Variants in TTC7B observed in about 807,000 individuals in gnomAD.
TTC7B encodes the protein tetratricopeptide repeat protein 7B.
In TTC7B, 28 loss-of-function variants were observed where a neutral mutation model predicts 106.8. That is an observed-to-expected ratio of 0.26 (90% CI 0.19 to 0.36). TTC7B has a LOEUF of 0.36. Ranked by LOEUF, TTC7B falls within the 10% of genes least tolerant of loss-of-function variation. TTC7B has a pLI of 1.00. For missense variants in TTC7B, 862 were observed against 1,076.4 expected, an observed-to-expected ratio of 0.80 and a Z score of 2.79; for synonymous variants, 405 against 430.6, an observed-to-expected ratio of 0.94 and a Z score of 0.74.
rs951518308 is a variant in TTC7B at position 90,575,669 on chromosome 14, C to A, written c.2310+2437G>T. Among the ~76,000 whole-genome samples, 1 of 152,202 alleles carries A rather than the reference C, an allele frequency of 6.6e-6. No individual in the cohort carries two copies. Among genetic ancestry groups the A allele is most frequent in the Non-Finnish European group, 1.5e-5 (1 of 68,026 alleles). ...GGGGACAGGCTGGGGAGAACACAGG[C>A]CAGGTGCATCATTTAGAAAATCACC... is the stretch of plus-strand genomic sequence containing the variant. On this transcript the variant is annotated intron_variant, in intron 19 of 19. Transcript: ENST00000328459. The surrounding 1 kb of genome is among the most constrained non-coding windows in gnomAD (Gnocchi z 5.2).
intron 18 of TTC7B, among the ~76,000 whole-genome samples, chr14:90,580,133 C>T (rs952651845): frequency 3.9e-5 from 6 of 152,230 alleles, no homozygotes; most frequent in Admixed American, 6.5e-5. Flanking sequence ...GGGCTGTAAG[C>T]GACATGAGGG....
At chr14:90,710,943 C>G (rs911587324) in intron 5 of TTC7B, among the ~76,000 whole-genome samples, 1 of 151,562 alleles carries the variant, frequency 6.6e-6, no homozygotes, top group East Asian at 1.9e-4. Context: ...ATTCAAACTT[C>G]TGAAGAAAAA....
rs902608541 is a variant in TTC7B, at chr14:90,529,362, C to A, written c.*12006G>T. On this transcript the variant is annotated 3_prime_UTR_variant, in exon 20 of 20. Coordinates refer to ENST00000328459, the MANE Select transcript of TTC7B (RefSeq NM_001010854.2). ...TAGCTACTGGAGCCAACCAGCGTGG[C>A]TTCGGCCAGTTAACAGACCACTTCT... 2.6e-5 allele frequency: 4 copies of A among 152,324 alleles called. No homozygotes were observed. The highest frequency in any genetic ancestry group is 5.9e-5 in the Non-Finnish European group (4 of 68,134). The allele number at this position is 152,324 out of a possible 1,614,324, so 9.4% of individuals were successfully genotyped here. A position where few individuals can be genotyped will look rare whatever the true frequency, so the allele number is the denominator to read the frequency against.
chr14:90,735,278 G>C (rs1465696193), intron 4 of TTC7B, among the ~76,000 whole-genome samples: 4 of 152,186 alleles, frequency 2.6e-5, no homozygotes, highest in African/African-American at 9.7e-5. Flanking sequence ...GGCCAAGAAA[G>C]GTGGAATGCT....
intron 3 of TTC7B, among the ~76,000 whole-genome samples, chr14:90,758,609 G>A (rs1385036171): frequency 6.6e-6 from 1 of 152,238 alleles, no homozygotes; most frequent in Non-Finnish European, 1.5e-5. Context: ...GGGGCTGCGG[G>A]ACGACCTTGG....
rs539269714 is a variant in TTC7B, at chr14:90,788,485, T to C, written c.122-2157A>G. 1.7e-3 allele frequency among the ~76,000 whole-genome samples: 266 copies of C among 152,270 alleles called. 2 individuals carry two copies. The highest frequency in any genetic ancestry group is 6.3e-3 in the African/African-American group (261 of 41,552). ...AATATGAATGTCAGAAAGCAATACG[T>C]TGCAAAAACAATCATATATCCGAAA... On this transcript the variant is annotated intron_variant, in intron 1 of 19. Transcript: ENST00000328459.
chr14:90,632,437 G>A lies in TTC7B; in HGVS notation c.1751+11611C>T, dbSNP rs143968706. ...TGAAAAAGAAACATTAGTCTCACTT[G>A]CCAAGTAATGATTTAAAAAAAAATT... On this transcript the variant is annotated intron_variant, in intron 15 of 19. Coordinates refer to ENST00000328459, the MANE Select transcript of TTC7B (RefSeq NM_001010854.2). Among the ~76,000 whole-genome samples, 601 of 152,242 alleles carry A rather than the reference G, an allele frequency of 3.9e-3. 2 individuals are homozygous for A. Among genetic ancestry groups the A allele is most frequent in the Middle Eastern group, 0.027 (8 of 294 alleles).
intron 7 of TTC7B, among the ~76,000 whole-genome samples, chr14:90,688,182 T>G (rs1055685173): frequency 6.6e-6 from 1 of 152,228 alleles, no homozygotes; most frequent in African/African-American, 2.4e-5. Flanking sequence ...AAAGCCATCA[T>G]GTCTTGTCCT....
intron 3 of TTC7B, among the ~76,000 whole-genome samples, chr14:90,760,078 A>G (rs572282383): frequency 3.9e-5 from 6 of 152,314 alleles, no homozygotes; most frequent in African/African-American, 1.4e-4. Context: ...GGTACTAGCT[A>G]TAAATAGAGG....
At chr14:90,707,256 C>T (rs923422945) in intron 5 of TTC7B, among the ~76,000 whole-genome samples, 5 of 152,176 alleles carry the variant, frequency 3.3e-5, no homozygotes, top group Admixed American at 2.6e-4. Context: ...ACCATGCCCA[C>T]CTAAGATGGC....
intron 2 of TTC7B, 134 bp downstream of exon 2, chr14:90,786,039 TG>T: frequency 1.9e-6 from 2 of 1,071,112 alleles, no homozygotes; most frequent in Non-Finnish European, 2.5e-6. Context: ...AACTGGGAGC[TG>T]GCCCGCTTCT....
intron 15 of TTC7B, among the ~76,000 whole-genome samples, chr14:90,637,533 C>T (rs759694003): frequency 3.9e-5 from 6 of 152,048 alleles, no homozygotes; most frequent in Non-Finnish European, 8.8e-5. Flanking sequence ...CTGGGCTGAC[C>T]TTGATGCCAA....
In TTC7B at chr14:90,537,373, T is replaced by TCGG. The variant is rs1555372757; in HGVS notation, c.*3994_*3995insCCG. 1.8e-5 allele frequency: 1 copy of TCGG among 54,422 alleles called. No homozygotes were observed. The highest frequency in any genetic ancestry group is 6.2e-5 in the African/African-American group (1 of 16,116). The allele number at this position is 54,422 out of a possible 1,614,324, so 3.4% of individuals were successfully genotyped here. ...GGCTATTTTTTTTTTTTTGTAGAGA[T>TCGG]GGGGGGGGGGTCTCACCATGTTGCC... On this transcript the variant is annotated 3_prime_UTR_variant, in exon 20 of 20. Coordinates refer to ENST00000328459, the MANE Select transcript of TTC7B (RefSeq NM_001010854.2).
At chr14:90,598,021 C>T (rs1315474967) in intron 17 of TTC7B, among the ~76,000 whole-genome samples, 1 of 152,234 alleles carries the variant, frequency 6.6e-6, no homozygotes, top group South Asian at 2.1e-4. Context: ...AGGGAGAGCA[C>T]CTGGGCCATG....
At chr14:90,703,145 C>T (rs1329301592) in intron 5 of TTC7B, among the ~76,000 whole-genome samples, 1 of 152,174 alleles carries the variant, frequency 6.6e-6, no homozygotes, top group Non-Finnish European at 1.5e-5. Context: ...GGGCGGGGTC[C>T]CCGTCAGCCT....
At chr14:90,634,998 A>G (rs1400296420) in intron 15 of TTC7B, among the ~76,000 whole-genome samples, 1 of 152,218 alleles carries the variant, frequency 6.6e-6, no homozygotes, top group South Asian at 2.1e-4. Context: ...GTTAAAATGA[A>G]CTACAAGTAA....
chr14:90,675,389 A>AG (rs1273682069), intron 9 of TTC7B, among the ~76,000 whole-genome samples: 1 of 152,102 alleles, frequency 6.6e-6, no homozygotes, highest in Admixed American at 6.5e-5. Flanking sequence ...GGTGGGGAGA[A>AG]GGGGGGTCCA....
chr14:90,643,872 G>A (rs933140325), intron 15 of TTC7B, among the ~76,000 whole-genome samples, 176 bp downstream of exon 15: 5 of 152,052 alleles, frequency 3.3e-5, no homozygotes, highest in African/African-American at 1.2e-4. Context: ...TGTGAGCCAC[G>A]GCGCCCAGCC....
chr14:90,613,828 G>A (rs1236407450), intron 16 of TTC7B, among the ~76,000 whole-genome samples: 1 of 152,262 alleles, frequency 6.6e-6, no homozygotes. Context: ...CAGATCCATG[G>A]TATGTAAGCG....
Sources: allele counts gnomAD v4.1 joint callset (sites outside exome capture counted in the v4.1 genomes callset), GRCh38; gene constraint gnomAD v4.1.1; non-coding constraint Gnocchi (gnomAD v3.1); transcripts MANE v1.5; gene names NCBI Gene and HGNC (gene_info 2026-07-23, HGNC 2026-07-21).